The following OLA1 variants were observed in gnomAD, a reference collection of about 807,000 sequenced individuals.
OLA1 encodes the protein obg-like ATPase 1.
In OLA1, 14 loss-of-function variants were observed where a neutral mutation model predicts 48.4. The ratio of observed to expected loss-of-function variants is 0.29; its 90% CI spans 0.19 to 0.45. The LOEUF is 0.45. Among genes scored for constraint, OLA1 ranks in the 20% least tolerant of loss-of-function variants. The pLI is 1.00. For synonymous variants in OLA1, 127 were observed against 150.4 expected, an observed-to-expected ratio of 0.84 and a Z score of 1.14; for missense variants, 325 against 467.1, an observed-to-expected ratio of 0.70 and a Z score of 2.80.
intron 2 of OLA1, among the ~76,000 whole-genome samples, chr2:174,242,142 C>T (rs775461647): frequency 2.2e-4 from 33 of 152,210 alleles, no homozygotes; most frequent in Non-Finnish European, 3.8e-4. Flanking sequence ...ATTCACAACA[C>T]CTTAGACCAG....
chr2:174,081,810 C>T (rs1025852000), intron 8 of OLA1, 114 bp downstream of exon 8: 3 of 1,010,768 alleles, frequency 3.0e-6, no homozygotes, highest in Non-Finnish European at 2.9e-6. Flanking sequence ...GGAGAAGATT[C>T]CCTCTTTATA....
chr2:174,232,378 TAACTA>T (rs981168681), intron 2 of OLA1, among the ~76,000 whole-genome samples: 11 of 152,144 alleles, frequency 7.2e-5, no homozygotes, highest in African/African-American at 2.7e-4. Flanking sequence ...CAATTAGATA[TAACTA>T]AACTGTTAAA....
chr2:174,129,214 T>C (rs1686118182), intron 5 of OLA1, among the ~76,000 whole-genome samples: 1 of 152,136 alleles, frequency 6.6e-6, no homozygotes, highest in African/African-American at 2.4e-5. Context: ...ATCCCAGCAC[T>C]TTGGGAGGCC....
chr2:174,180,666 T>A (rs1353909511), intron 4 of OLA1, among the ~76,000 whole-genome samples: 1 of 152,224 alleles, frequency 6.6e-6, no homozygotes, highest in Non-Finnish European at 1.5e-5. Context: ...GGAGAACCCT[T>A]TTCTACTGGC....
chr2:174,145,967 T>C (rs558763401), intron 4 of OLA1, among the ~76,000 whole-genome samples: 3 of 152,218 alleles, frequency 2.0e-5, no homozygotes, highest in Non-Finnish European at 4.4e-5. Flanking sequence ...TGTGCAATAC[T>C]TCAGCTAGGA....
At chr2:174,111,998 A>T (rs1238539819) in intron 7 of OLA1, among the ~76,000 whole-genome samples, 1 of 152,334 alleles carries the variant, frequency 6.6e-6, no homozygotes, top group Admixed American at 6.5e-5. Flanking sequence ...TTTAGGTACA[A>T]TTTTTTAAAA....
intron 4 of OLA1, among the ~76,000 whole-genome samples, chr2:174,152,644 T>C (rs1686773102): frequency 6.6e-6 from 1 of 152,184 alleles, no homozygotes; most frequent in African/African-American, 2.4e-5. Context: ...TTTAGATCTC[T>C]GGAGAAACAA....
chr2:174,075,585 T>A, intron 10 of OLA1, 58 bp from the exon 11 acceptor site: 1 of 1,013,234 alleles, frequency 9.9e-7, no homozygotes, highest in Non-Finnish European at 1.5e-6. Flanking sequence ...ATACATGGGG[T>A]AAATGGTGGC....
chr2:174,199,983 G>C (rs1687956750), intron 4 of OLA1, among the ~76,000 whole-genome samples: 1 of 151,714 alleles, frequency 6.6e-6, no homozygotes, highest in Admixed American at 6.6e-5. Context: ...TCTTATGCTG[G>C]ACATTAAAGA....
intron 4 of OLA1, among the ~76,000 whole-genome samples, chr2:174,194,728 A>G (rs553591138): frequency 2.8e-4 from 42 of 152,200 alleles, no homozygotes; most frequent in Non-Finnish European, 5.7e-4. Flanking sequence ...AGCTAAGTAT[A>G]AATTTTTGAA....
intron 2 of OLA1, among the ~76,000 whole-genome samples, chr2:174,236,014 C>T (rs1688840917): frequency 6.6e-6 from 1 of 152,210 alleles, no homozygotes; most frequent in South Asian, 2.1e-4. Flanking sequence ...TCATATTAAT[C>T]CATCATAAGA....
intron 8 of OLA1, among the ~76,000 whole-genome samples, 165 bp from the exon 9 acceptor site, chr2:174,081,413 T>C (rs1684850959): frequency 6.6e-6 from 1 of 152,142 alleles, no homozygotes; most frequent in African/African-American, 2.4e-5. Context: ...AGTAACTGTT[T>C]TTAAAAACCT....
At chr2:174,156,730 G>A (rs1686893052) in intron 4 of OLA1, among the ~76,000 whole-genome samples, 1 of 151,374 alleles carries the variant, frequency 6.6e-6, no homozygotes. Flanking sequence ...GATTACAGGC[G>A]CCCACCACCA....
intron 4 of OLA1, among the ~76,000 whole-genome samples, chr2:174,221,507 C>T (rs1180557865): frequency 6.6e-6 from 1 of 152,136 alleles, no homozygotes; most frequent in Non-Finnish European, 1.5e-5. Flanking sequence ...CAGTGCTCTC[C>T]TATTTTCACT....
At chr2:174,246,483 G>A (rs183340148) in intron 2 of OLA1, among the ~76,000 whole-genome samples, 6 of 152,200 alleles carry the variant, frequency 3.9e-5, no homozygotes, top group African/African-American at 1.2e-4. Context: ...TCCTAAAGTA[G>A]CCTACTGCAT....
At chr2:174,206,521 G>A (rs112616374) in intron 4 of OLA1, among the ~76,000 whole-genome samples, 1 of 152,002 alleles carries the variant, frequency 6.6e-6, no homozygotes, top group African/African-American at 2.4e-5. Context: ...AGAGAGGACA[G>A]GAAAGAAGAC....
chr2:174,174,411 TAAAA>T (rs1687377462), intron 4 of OLA1, among the ~76,000 whole-genome samples: 1 of 151,862 alleles, frequency 6.6e-6, no homozygotes, highest in Non-Finnish European at 1.5e-5. Flanking sequence ...ATTAATAGAA[TAAAA>T]AAGAAAAACC....
intron 4 of OLA1, among the ~76,000 whole-genome samples, chr2:174,167,250 C>T (rs1035074163): frequency 1.3e-5 from 2 of 152,194 alleles, no homozygotes; most frequent in African/African-American, 4.8e-5. Flanking sequence ...AGAGATAGGA[C>T]TCTGGCACAA....
chr2:174,090,907 T>C (rs1214470583), intron 7 of OLA1, among the ~76,000 whole-genome samples: 1 of 152,220 alleles, frequency 6.6e-6, no homozygotes, highest in African/African-American at 2.4e-5. Flanking sequence ...AAGAATCTCC[T>C]TGAGAGCCTT....
Sources: allele counts gnomAD v4.1 joint callset (sites outside exome capture counted in the v4.1 genomes callset), GRCh38; gene constraint gnomAD v4.1.1; transcripts MANE v1.5; gene names NCBI Gene and HGNC (gene_info 2026-07-23, HGNC 2026-07-21).